Variants in ITGB4 observed in about 807,000 individuals in gnomAD.
ITGB4 encodes integrin subunit beta 4, also known as integrin beta-4.
In ITGB4, 159 loss-of-function variants were observed where a neutral mutation model predicts 207.6. That is an observed-to-expected ratio of 0.77 (90% CI 0.67 to 0.87). The LOEUF (loss-of-function observed/expected upper bound fraction) is 0.87, where lower values mean the gene tolerates loss of function less well. Among genes scored for constraint, ITGB4 ranks in the 40% least tolerant of loss-of-function variants. The pLI is 0.00. For synonymous variants in ITGB4, 1,020 were observed against 1,062.7 expected (o/e 0.96, Z 0.78); for missense variants, 2,278 against 2,546.8 (o/e 0.89, Z 2.27).
rs1166211415 is a variant in ITGB4, at chr17:75,727,429, C to T, written c.188C>T (p.Thr63Ile). 1 of 1,613,924 alleles carries T rather than the reference C, an allele frequency of 6.2e-7. No individual in the cohort carries two copies. Among genetic ancestry groups the T allele is most frequent in the East Asian group, 2.2e-5 (1 of 44,890 alleles). ...DEMFRDRRCN[T>I]QAELLAAGCQ... is the part of the protein sequence containing the mutation. ...ATGTTCAGGGACCGGCGCTGCAACA[C>T]CCAGGCGGAGCTGCTGGCCGCGGGC... Residue 63 changes from threonine (T) to isoleucine (I), a missense_variant, in exon 4 of 40, where the codon ACC becomes ATC. Coordinates refer to ENST00000200181, the MANE Select transcript of ITGB4 (RefSeq NM_000213.5). This position sits in a 1 kb window ranked among gnomAD's most constrained non-coding sequence, Gnocchi z 6.0.
In ITGB4 at chr17:75,732,143, C is replaced by A; in HGVS notation, c.1378-20C>A. ...GTCCTGCTCCCCCGACGCACCCCAC[C>A]ATGGTCTCTCTCATTCCAGCAAAAA... is the stretch of plus-strand genomic sequence containing the variant. On this transcript the variant is annotated intron_variant, in intron 11 of 39. Transcript: ENST00000200181. This position sits in a 1 kb window ranked among gnomAD's most constrained non-coding sequence, Gnocchi z 5.3. 1 of 1,613,894 alleles carries A rather than the reference C, an allele frequency of 6.2e-7. No homozygotes were observed. Among genetic ancestry groups the A allele is most frequent in the Non-Finnish European group, 8.5e-7 (1 of 1,179,914 alleles).
At chr17:75,733,027 G>A (rs2060894911) in intron 12 of ITGB4, among the ~76,000 whole-genome samples, 1 of 152,114 alleles carries the variant, frequency 6.6e-6, no homozygotes, top group Non-Finnish European at 1.5e-5. Context: ...GGAGGTTGCC[G>A]TGAGCTGAGA....
chr17:75,743,381 C>T (rs1203116394), intron 25 of ITGB4, among the ~76,000 whole-genome samples: 2 of 151,940 alleles, frequency 1.3e-5, no homozygotes, highest in African/African-American at 4.8e-5. Flanking sequence ...TACAGGCACT[C>T]GCCACCACGC....
rs1303676424 is a variant in ITGB4, at chr17:75,757,665, C to A, written c.*110C>A. ...CACCCCTGGGGGCCCAGCCCACCCG[C>A]ATGCACAGAGCAGGGGCTAGGTGTC... On this transcript the variant is annotated 3_prime_UTR_variant, in exon 40 of 40. Transcript: ENST00000200181. 5.5e-6 allele frequency: 8 copies of A among 1,459,418 alleles called. No homozygotes were observed. The highest frequency in any genetic ancestry group is 7.7e-6 in the Non-Finnish European group (8 of 1,044,936). The allele number at this position is 1,459,418 out of a possible 1,614,324, so 90.4% of individuals were successfully genotyped here.
chr17:75,734,920 G>C (rs1599244745), intron 13 of ITGB4, among the ~76,000 whole-genome samples: 1 of 152,288 alleles, frequency 6.6e-6, no homozygotes, highest in African/African-American at 2.4e-5. Context: ...TGGACAAAAG[G>C]GGGTCACTGG....
rs2060746966 is a variant in ITGB4 at position 75,727,515 on chromosome 17, G to A, written c.264+10G>A. 2 of 1,613,010 alleles carry A rather than the reference G, an allele frequency of 1.2e-6. No individual in the cohort carries two copies. Among genetic ancestry groups the A allele is most frequent in the Admixed American group, 1.7e-5 (1 of 59,962 alleles). ...CTTCCAAATCACAGAGGTGCCTGGTGTGGGGACTGGGGTGGGGGCTCCCCA... is the reference window on the plus strand; with the variant it reads ...CTTCCAAATCACAGAGGTGCCTGGTATGGGGACTGGGGTGGGGGCTCCCCA... On this transcript the variant is annotated intron_variant, in intron 4 of 39. Transcript: ENST00000200181. The surrounding 1 kb of genome is among the most constrained non-coding windows in gnomAD (Gnocchi z 6.0).
At position 75,737,658 on chromosome 17, in the gene ITGB4, G is replaced by C; in HGVS notation, c.2220+14G>C. 1 of 1,609,812 alleles carries C rather than the reference G, an allele frequency of 6.2e-7. No homozygotes were observed. Among genetic ancestry groups the C allele is most frequent in the Non-Finnish European group, 8.5e-7 (1 of 1,178,506 alleles). On this transcript the variant is annotated intron_variant, in intron 18 of 39. Coordinates refer to ENST00000200181, the MANE Select transcript of ITGB4 (RefSeq NM_000213.5). ...GCCTGCTGCAAGGTGAGCACCCAGG[G>C]TGCCTCCCAAGGCCCCACATCCCAG...
Position 75,730,898 on chromosome 17 carries a change from C to G in ITGB4, c.1026C>G (p.Val342=). ...AGAAGCTTCACACCTATTTCCCTGT[C>G]TCCTCACTGGGGGTGCTGCAGGAGG... is the stretch of plus-strand genomic sequence containing the variant. The part of the protein sequence containing the change: ...YYEKLHTYFP[V]SSLGVLQEDS... Residue 342 remains valine (V), a synonymous_variant, in exon 9 of 40, where the codon GTC becomes GTG. Coordinates refer to ENST00000200181, the MANE Select transcript of ITGB4 (RefSeq NM_000213.5). 1 of 1,613,744 alleles carries G rather than the reference C, an allele frequency of 6.2e-7. No homozygotes were observed. The highest frequency in any genetic ancestry group is 1.3e-5 in the African/African-American group (1 of 75,042).
chr17:75,751,421 G>T (rs2061364570), intron 30 of ITGB4, among the ~76,000 whole-genome samples: 1 of 152,180 alleles, frequency 6.6e-6, no homozygotes, highest in African/African-American at 2.4e-5. Flanking sequence ...GTTTTCTTAG[G>T]GTGAGAGGAA....
chr17:75,723,843 T>C (rs1244177150), intron 1 of ITGB4, among the ~76,000 whole-genome samples: 1 of 152,268 alleles, frequency 6.6e-6, no homozygotes, highest in East Asian at 1.9e-4. Context: ...CAGGCCTGGA[T>C]GGCTCTGCCG....
In ITGB4 at chr17:75,752,139, C is replaced by T. The variant is rs1241323890; in HGVS notation, c.3794-35C>T. 3 of 1,610,656 alleles carry T rather than the reference C, an allele frequency of 1.9e-6. No homozygotes were observed. In the Admixed American group the frequency reaches 5.0e-5, roughly 27 times the overall value. On this transcript the variant is annotated intron_variant, in intron 30 of 39. Transcript: ENST00000200181. Reference sequence around the variant, plus strand: ...GGTGGTGTTGGGACCAGGCTGGGACCTGGGTGACCCTCTGAAGCACTCTCT... The same window carrying T: ...GGTGGTGTTGGGACCAGGCTGGGACTTGGGTGACCCTCTGAAGCACTCTCT...
chr17:75,740,180 G>A lies in ITGB4; in HGVS notation c.2446+109G>A. 2 of 1,323,190 alleles carry A rather than the reference G, an allele frequency of 1.5e-6. No homozygotes were observed. Among genetic ancestry groups the A allele is most frequent in the Non-Finnish European group, 2.1e-6 (2 of 960,076 alleles). 82.0% of individuals were successfully genotyped at this position (1,323,190 alleles called of 1,614,324 possible). A position where few individuals can be genotyped will look rare whatever the true frequency, so the allele number is the denominator to read the frequency against. Reference sequence around the variant, plus strand: ...CTCTGGGTGTGGGGTGCAGGCACAGGGCTCAGCCACCTTTTGCCCTGTGCT... The same window carrying A: ...CTCTGGGTGTGGGGTGCAGGCACAGAGCTCAGCCACCTTTTGCCCTGTGCT... On this transcript the variant is annotated intron_variant, in intron 20 of 39. Transcript: ENST00000200181. The surrounding 1 kb of genome is among the most constrained non-coding windows in gnomAD (Gnocchi z 5.9).
intron 13 of ITGB4, among the ~76,000 whole-genome samples, chr17:75,734,357 A>G (rs2060931358): frequency 6.6e-6 from 1 of 151,902 alleles, no homozygotes; most frequent in South Asian, 2.1e-4. Flanking sequence ...GCTGGTCTCG[A>G]ACTCCTGACC....
chr17:75,726,308 C>T (rs1223501791), intron 2 of ITGB4, among the ~76,000 whole-genome samples: 1 of 152,142 alleles, frequency 6.6e-6, no homozygotes, highest in Admixed American at 6.6e-5. Context: ...AAAAAATTAG[C>T]TGGGCTACTT....
intron 18 of ITGB4, among the ~76,000 whole-genome samples, chr17:75,738,663 G>A (rs972021825): frequency 2.0e-5 from 3 of 152,258 alleles, no homozygotes; most frequent in Non-Finnish European, 4.4e-5. Flanking sequence ...GGCCCTGCCC[G>A]CCCGCAGCTG....
chr17:75,745,142 C>T (rs377762029), intron 26 of ITGB4, among the ~76,000 whole-genome samples: 4 of 152,220 alleles, frequency 2.6e-5, no homozygotes, highest in African/African-American at 9.6e-5. Flanking sequence ...CCTGTAATCC[C>T]AGCACTTTGG....
rs1004879561 is a variant in ITGB4, at chr17:75,736,317, G to A, written c.1791G>A (p.Glu597=). Residue 597 remains glutamate (E), a synonymous_variant, in exon 15 of 40, where the codon GAG becomes GAA. Transcript: ENST00000200181. The part of the protein sequence containing the change: ...GGICNGRGHC[E]CGRCHCHQQS... ...TCTGTAATGGACGTGGCCACTGTGA[G>A]TGTGGCCGCTGCCACTGCCACCAGC... 5 of 1,613,784 alleles carry A rather than the reference G, an allele frequency of 3.1e-6. No individual in the cohort carries two copies. In the African/African-American group the frequency reaches 6.7e-5, roughly 22 times the overall value.
intron 2 of ITGB4, among the ~76,000 whole-genome samples, chr17:75,725,061 T>C (rs2060690919): frequency 6.6e-6 from 1 of 152,208 alleles, no homozygotes; most frequent in African/African-American, 2.4e-5. Flanking sequence ...GAGGATGCAC[T>C]GAGGCCCCAG....
chr17:75,722,418 C>T lies in ITGB4; in HGVS notation c.-11+806C>T, dbSNP rs1484609286. Among the ~76,000 whole-genome samples the T allele has an allele frequency of 6.6e-6, 1 of 152,168 alleles. No homozygotes were observed. Among genetic ancestry groups the T allele is most frequent in the Non-Finnish European group, 1.5e-5 (1 of 68,022 alleles). Reference sequence around the variant, plus strand: ...CCACACCCTGAGGACAAGGACCAGGCACAGGTGGCATGGTTGTTGCTGTCC... The same window carrying T: ...CCACACCCTGAGGACAAGGACCAGGTACAGGTGGCATGGTTGTTGCTGTCC... On this transcript the variant is annotated intron_variant, in intron 1 of 39. Coordinates refer to ENST00000200181, the MANE Select transcript of ITGB4 (RefSeq NM_000213.5). This position sits in a 1 kb window ranked among gnomAD's most constrained non-coding sequence, Gnocchi z 6.2.
Sources: gnomAD v4.1 joint callset for allele counts (sites outside exome capture counted in the v4.1 genomes callset) on GRCh38, gnomAD v4.1.1 for gene constraint, Gnocchi (gnomAD v3.1) non-coding constraint, MANE v1.5 for transcripts, NCBI Gene and HGNC (gene_info 2026-07-23, HGNC 2026-07-21) for gene names.